Variants in P3H2 observed in about 807,000 individuals in gnomAD.
P3H2 encodes the protein leprecan-like 1.
A neutral mutation model predicts 87.0 loss-of-function variants in P3H2; 80 were observed. The ratio of observed to expected loss-of-function variants is 0.92; its 90% confidence interval spans 0.77 to 1.11. The LOEUF (loss-of-function observed/expected upper bound fraction) is 1.11. Ranked by LOEUF, P3H2 falls within the 50% of genes least tolerant of loss-of-function variation. The pLI, the probability that P3H2 is intolerant of heterozygous loss-of-function variation, is 0.00. For missense variants in P3H2, 1,001 were observed against 923.9 expected (o/e 1.08, Z -1.08); for synonymous variants, 367 against 359.3 (o/e 1.02, Z -0.24).
chr3:189,974,553 C>T lies in P3H2; in HGVS notation c.1452+5G>A. ...GTGAGCTCCCCTCCTTCTCCGGATC[C>T]TCACACTGGCCACGCTGTGGAGCTC... On this transcript the variant is annotated splice_donor_5th_base_variant and intron_variant, in intron 9 of 14. Transcript: ENST00000319332. 6.2e-7 allele frequency: 1 copy of T among 1,613,484 alleles called. No homozygotes were observed. The highest frequency in any genetic ancestry group is 8.5e-7 in the Non-Finnish European group (1 of 1,180,020).
upstream of P3H2, among the ~76,000 whole-genome samples, chr3:190,121,248 G>A (rs1712575928): frequency 1.3e-5 from 2 of 151,972 alleles, no homozygotes; most frequent in Admixed American, 1.3e-4. Context: ...GAAGCCTGGA[G>A]CGCCATTTCA....
chr3:190,087,475 C>CGGAGCTTGCAGTGAGCCG (rs1560395521), intron 1 of P3H2, among the ~76,000 whole-genome samples: 2 of 134,654 alleles, frequency 1.5e-5, no homozygotes, highest in African/African-American at 5.6e-5. Context: ...ACCTGGGAGG[C>CGGAGCTTGCAGTGAGCCG]GGAGCTTGCA....
Position 189,994,100 on chromosome 3 carries a change from T to G in P3H2, c.817A>C (p.Ile273Leu). 5 of 1,608,800 alleles carry G rather than the reference T, an allele frequency of 3.1e-6. No homozygotes were observed. Among genetic ancestry groups the G allele is most frequent in the Non-Finnish European group, 4.3e-6 (5 of 1,176,250 alleles). Residue 273 changes from isoleucine (I) to leucine (L), a missense_variant, in exon 3 of 15, where the codon ATT becomes CTT. Physicochemically the swap from Ile to Leu is conservative, Grantham distance 5 (BLOSUM62 2). Transcript: ENST00000319332. Reference sequence around the variant, plus strand: ...TGAAAAATTAAGCTTTTACCTGCAATAGCTTCATACAGACCAGCCTTATAC... The same window carrying G: ...TGAAAAATTAAGCTTTTACCTGCAAGAGCTTCATACAGACCAGCCTTATAC... ...LGYKAGLYEA[I>L]ADHYMQVLVC...
Position 190,120,440 on chromosome 3 carries a change from G to T in P3H2, c.292C>A (p.Pro98Thr). 3 of 1,440,742 alleles carry T rather than the reference G, an allele frequency of 2.1e-6. No homozygotes were observed. Among genetic ancestry groups the T allele is most frequent in the Non-Finnish European group, 2.7e-6 (3 of 1,106,568 alleles). 89.2% of individuals were successfully genotyped at this position (1,440,742 alleles called of 1,614,324 possible). Residue 98 changes from proline to threonine, a missense_variant, in exon 1 of 15, where the codon CCC (proline) becomes ACC (threonine). Pro to Thr is a conservative substitution (Grantham distance 38, BLOSUM62 -1). Transcript: ENST00000319332. ...CAARHPLPPP[P>T]PGEGPGAELP... is the part of the protein sequence containing the mutation. ...TCAGCGCCGGGGCCCTCGCCGGGGG[G>T]CGGGGGCGGGAGCGGGTGGCGCGCC...
Position 189,994,254 on chromosome 3 carries a change from A to G in P3H2, c.663T>C (p.Tyr221=). Residue 221 remains tyrosine, a synonymous_variant, in exon 3 of 15, where the codon TAT becomes TAC. Transcript: ENST00000319332. ...TAGCCATCTCAAAGTCATCAGCCTCATAATGTTTAACTCCTGCATTGTAAC... is the reference window on the plus strand; with the variant it reads ...TAGCCATCTCAAAGTCATCAGCCTCGTAATGTTTAACTCCTGCATTGTAAC... ...MESYNAGVKH[Y]EADDFEMAIR... The G allele has an allele frequency of 6.2e-7, 1 of 1,613,490 alleles. No individual in the cohort carries two copies. The highest frequency in any genetic ancestry group is 8.5e-7 in the Non-Finnish European group (1 of 1,179,636).
intron 1 of P3H2, among the ~76,000 whole-genome samples, chr3:190,103,731 G>A (rs1011662917): frequency 6.6e-6 from 1 of 152,118 alleles, no homozygotes; most frequent in Admixed American, 6.5e-5. Context: ...CCGACTTATG[G>A]TTAATTTAGT....
chr3:189,962,319 T>G (rs1301356191), intron 14 of P3H2, among the ~76,000 whole-genome samples: 2 of 151,912 alleles, frequency 1.3e-5, no homozygotes, highest in Non-Finnish European at 1.5e-5. Flanking sequence ...GGATTACAGG[T>G]GCGTGCCACC....
At chr3:189,968,310 G>A (rs1267716815) in intron 13 of P3H2, among the ~76,000 whole-genome samples, 2 of 152,080 alleles carry the variant, frequency 1.3e-5, no homozygotes, top group Non-Finnish European at 2.9e-5. Flanking sequence ...TGTTCTCATT[G>A]TTCAGCTCCC....
intron 1 of P3H2, among the ~76,000 whole-genome samples, chr3:190,023,506 C>T (rs893028222): frequency 1.3e-5 from 2 of 152,100 alleles, no homozygotes; most frequent in Non-Finnish European, 2.9e-5. Context: ...CCGAGTGAAG[C>T]GGGTAGAGCC....
intron 4 of P3H2, among the ~76,000 whole-genome samples, chr3:189,988,280 T>C (rs951791076): frequency 1.3e-5 from 2 of 152,182 alleles, no homozygotes; most frequent in African/African-American, 4.8e-5. Context: ...ATTATAGAAA[T>C]ATTTAGCTAT....
chr3:190,095,303 CAT>C (rs57074960), intron 1 of P3H2, among the ~76,000 whole-genome samples: 4,294 of 48,536 alleles, frequency 0.088, 64 homozygotes, highest in African/African-American at 0.11. Flanking sequence ...TGTCTCAAAA[CAT>C]ATATATATAT....
At chr3:189,989,255 C>T (rs888667487) in intron 3 of P3H2, among the ~76,000 whole-genome samples, 86 of 152,278 alleles carry the variant, frequency 5.6e-4, no homozygotes, top group African/African-American at 1.7e-3. Context: ...CAGTAGATTC[C>T]GAATCCTCCA....
chr3:189,966,146 A>AAAAGAAAGAAAGAAAGAAAGAAG (rs1722994000), intron 13 of P3H2, among the ~76,000 whole-genome samples: 1 of 142,048 alleles, frequency 7.0e-6, no homozygotes, highest in African/African-American at 2.6e-5. Flanking sequence ...AAAGAAAGAA[A>AAAAGAAAGAAAGAAAGAAAGAAG]GAAAGAAAGA....
rs145673230 is a variant in P3H2, at chr3:190,100,354, T to G, written c.480+19898A>C. On this transcript the variant is annotated intron_variant, in intron 1 of 14. Transcript: ENST00000319332. ...TTTATATTACCTAAGCTTATTATCT[T>G]AATGTCTAAATGTCACAATTTTTGG... Among the ~76,000 whole-genome samples, 436 of 151,636 alleles carry G rather than the reference T, an allele frequency of 2.9e-3. 1 individual carries two copies. Among genetic ancestry groups the G allele is most frequent in the African/African-American group, 0.01 (418 of 41,346 alleles).
At chr3:190,076,682 G>C (rs980836062) in intron 1 of P3H2, among the ~76,000 whole-genome samples, 59 of 152,294 alleles carry the variant, frequency 3.9e-4, no homozygotes, top group African/African-American at 1.4e-3. Flanking sequence ...TCTGAGAAAA[G>C]GGAGACTCCT....
At chr3:189,984,435 A>G in intron 7 of P3H2, 115 bp downstream of exon 7, 1 of 855,436 alleles carries the variant, frequency 1.2e-6, no homozygotes, top group Non-Finnish European at 2.0e-6. Context: ...CAGAGCTTAG[A>G]ATTATTTTAT....
intron 1 of P3H2, among the ~76,000 whole-genome samples, chr3:190,038,795 A>G (rs550500606): frequency 1.3e-5 from 2 of 152,356 alleles, no homozygotes; most frequent in African/African-American, 2.4e-5. Flanking sequence ...ATATGCCACA[A>G]TAATTCACAT....
rs1171947478 is a variant in P3H2 at position 189,986,795 on chromosome 3, G to C, written c.1181C>G (p.Thr394Ser). The part of the protein sequence containing the change: ...SAAEGLGFSY[T>S]EPNYWIRYGG... ...TTTCCTCTTTCCTCTTACCGGTTCA[G>C]TGTATGAAAACCCCAGACCTTCTGC... The change falls in exon 6 of 15, where the codon ACT becomes AGT. Residue 394 changes from threonine (T) to serine (S), a missense_variant. Thr to Ser is a moderately conservative substitution (Grantham distance 58, BLOSUM62 1). Coordinates refer to ENST00000319332, the MANE Select transcript of P3H2 (RefSeq NM_018192.4). The C allele has an allele frequency of 1.9e-6, 3 of 1,599,706 alleles. No individual in the cohort carries two copies. In the Admixed American group the frequency reaches 5.0e-5, roughly 27 times the overall value.
chr3:190,109,934 T>C (rs896262728), intron 1 of P3H2, among the ~76,000 whole-genome samples: 18 of 146,736 alleles, frequency 1.2e-4, no homozygotes, highest in African/African-American at 4.5e-4. Context: ...CTGCAGCCTC[T>C]CCCTCCCAGG....
Sources: allele counts gnomAD v4.1 joint callset (sites outside exome capture counted in the v4.1 genomes callset), GRCh38; gene constraint gnomAD v4.1.1; transcripts MANE v1.5; gene names NCBI Gene and HGNC (gene_info 2026-07-23, HGNC 2026-07-21).